Variants in TONSL observed in about 807,000 individuals in gnomAD.
The protein encoded by TONSL is tonsoku like, DNA repair protein, also known as tonsoku-like protein.
Under a neutral mutation model 147.1 loss-of-function variants are expected in TONSL, and 112 were observed. The ratio of observed to expected loss-of-function variants is 0.76; its 90% confidence interval spans 0.65 to 0.89. TONSL has a LOEUF of 0.89. Ranked by LOEUF, TONSL falls within the 40% of genes least tolerant of loss-of-function variation. The probability of loss-of-function intolerance (pLI) is 0.00; values close to 1 mark genes in which losing one functional copy is unlikely to be tolerated. For missense variants in TONSL, 1,883 were observed against 1,864.6 expected (o/e 1.01, Z -0.18); for synonymous variants, 868 against 801.5 (o/e 1.08, Z -1.40).
rs1335373534 is a variant in TONSL at position 144,436,046 on chromosome 8, A to G, written c.2387T>C (p.Ile796Thr). 1.3e-6 allele frequency: 2 copies of G among 1,574,368 alleles called. No individual in the cohort carries two copies. Among genetic ancestry groups the G allele is most frequent in the Non-Finnish European group, 1.7e-6 (2 of 1,166,748 alleles). The stretch of plus-strand genomic sequence containing the variant: ...GCTCTGAGCACTGCCCACACCCCGG[A>G]TGGCTGCCTGGTAGGCTGCCCGGCT... ...STSRAAYQAA[I>T]RGVGSAQSRL... The change falls in exon 17 of 26, where the codon ATC (isoleucine) becomes ACC (threonine). Residue 796 changes from isoleucine (I) to threonine (T), a missense_variant. Transcript: ENST00000409379.
At position 144,434,087 on chromosome 8, in the gene TONSL, G is replaced by A; in HGVS notation, c.3278C>T (p.Ala1093Val). ...GGCCAGGCTGGGCATGGTGCCCAGGGCAGCCACCAGCTCAGCCACACACTT... is the reference window on the plus strand; with the variant it reads ...GGCCAGGCTGGGCATGGTGCCCAGGACAGCCACCAGCTCAGCCACACACTT... ...GDKCVAELVAALGTMPSLALL... is the reference protein window; with the variant it reads ...GDKCVAELVAVLGTMPSLALL... The change falls in exon 21 of 26, where the codon GCC (alanine) becomes GTC (valine). Residue 1093 changes from alanine (A) to valine (V), a missense_variant. Physicochemically the swap from Ala to Val is moderately conservative, Grantham distance 64 (BLOSUM62 0). Coordinates refer to ENST00000409379, the MANE Select transcript of TONSL (RefSeq NM_013432.5). 6.2e-7 allele frequency: 1 copy of A among 1,612,174 alleles called. No individual in the cohort carries two copies.
rs1294812685 is a variant in TONSL at position 144,444,256 on chromosome 8, G to A, written c.45C>T (p.Ala15=). The change falls in exon 2 of 26, where the codon GCC becomes GCT. Residue 15 remains alanine, a synonymous_variant. Transcript: ENST00000409379. ...GCCGCTGCCCGGCCCTCTGCGCCTT[G>A]GCTTTCGCCTTGCTCAGCTCTGTGG... The part of the protein sequence containing the change: ...RELRQLSKAK[A]KAQRAGQRRE... The A allele has an allele frequency of 2.1e-6, 3 of 1,454,496 alleles. No individual in the cohort carries two copies. The highest frequency in any genetic ancestry group is 6.1e-5 in the East Asian group (2 of 32,938). 90.1% of individuals were successfully genotyped at this position (1,454,496 alleles called of 1,614,324 possible).
chr8:144,442,074 A>G lies in TONSL; in HGVS notation c.828T>C (p.Pro276=). 1.2e-6 allele frequency: 2 copies of G among 1,612,794 alleles called. No individual in the cohort carries two copies. The highest frequency in any genetic ancestry group is 1.1e-5 in the South Asian group (1 of 91,084). ...KKAYRLGSQK[P]VQRAAICQNL... The stretch of plus-strand genomic sequence containing the variant: ...TCTGACAGATGGCTGCCCTCTGCAC[A>G]GGCTTCTGGGAGCCCAGCCTGTAGG... The change falls in exon 7 of 26, where the codon CCT becomes CCC. Residue 276 remains proline, a synonymous_variant. Transcript: ENST00000409379.
intron 21 of TONSL, 50 bp downstream of exon 21, chr8:144,433,928 G>A (rs1554879293): frequency 5.3e-6 from 8 of 1,509,670 alleles, no homozygotes; most frequent in Non-Finnish European, 7.1e-6. Context: ...CTGCAGAATG[G>A]GAACCCCAAC....
Position 144,433,629 on chromosome 8 carries a change from A to C in TONSL, c.3518T>G (p.Phe1173Cys), listed in dbSNP as rs143208435. The C allele has an allele frequency of 5.7e-5, 92 of 1,613,408 alleles. No homozygotes were observed. The African/African-American group carries it at 1.1e-3, about 19-fold the overall frequency. The change falls in exon 22 of 26, where the codon TTC becomes TGC. Residue 1173 changes from phenylalanine (F) to cysteine (C), a missense_variant. Physicochemically the swap from Phe to Cys is radical, Grantham distance 205. Transcript: ENST00000409379. ...RLQACGFGPS[F>C]FLSHQTALGS... ...CAGTGCTGTCTGGTGGCTCAGAAAGAAGCTGGGGCCGAAGCCACACGCCTG... is the reference window on the plus strand; with the variant it reads ...CAGTGCTGTCTGGTGGCTCAGAAAGCAGCTGGGGCCGAAGCCACACGCCTG...
At chr8:144,433,268 G>A (rs1480902081) in intron 22 of TONSL, 2 of 221,244 alleles carry the variant, frequency 9.0e-6, no homozygotes, top group Non-Finnish European at 1.8e-5. Context: ...AATAGAGACG[G>A]CGTTTCACCG....
rs146566654 is a variant in TONSL at position 144,432,457 on chromosome 8, G to A, written c.3563C>T (p.Ala1188Val). 1,191 of 1,536,964 alleles carry A rather than the reference G, an allele frequency of 7.7e-4. 3 individuals carry two copies. The highest frequency in any genetic ancestry group is 4.9e-3 in the South Asian group (391 of 79,850). Reference sequence around the variant, plus strand: ...CAGGGACAGGGTCTTCAGGTGCTCAGCATCTGCACCGGGGCCAGAATCCGT... The same window carrying A: ...CAGGGACAGGGTCTTCAGGTGCTCAACATCTGCACCGGGGCCAGAATCCGT... ...QTALGSAFQD[A>V]EHLKTLSLSY... Residue 1188 changes from alanine (A) to valine (V), a missense_variant, in exon 23 of 26, where the codon GCT becomes GTT. Coordinates refer to ENST00000409379, the MANE Select transcript of TONSL (RefSeq NM_013432.5).
chr8:144,430,299 C>T, intron 25 of TONSL, 105 bp downstream of exon 25: 1 of 1,343,188 alleles, frequency 7.4e-7, no homozygotes, highest in Non-Finnish European at 9.8e-7. Context: ...AGCCTTGCTG[C>T]CTGGCTGGTA....
intron 13 of TONSL, among the ~76,000 whole-genome samples, chr8:144,438,005 C>T (rs1326029574): frequency 6.6e-6 from 1 of 151,926 alleles, no homozygotes; most frequent in Non-Finnish European, 1.5e-5. Flanking sequence ...TAGGCTCAAG[C>T]AACCCTCCCA....
Position 144,434,527 on chromosome 8 carries a change from A to C in TONSL, c.3086-248T>G, listed in dbSNP as rs565238722. On this transcript the variant is annotated intron_variant, in intron 20 of 25. Transcript: ENST00000409379. ...ACCCCCCGGGACAAGCTTTCTGGGA[A>C]GCTTCCCCAGCAGCTCCCAGCCCAT... 3.9e-5 allele frequency among the ~76,000 whole-genome samples: 6 copies of C among 152,166 alleles called. No individual in the cohort carries two copies. In the East Asian group the frequency reaches 1.2e-3, roughly 29 times the overall value.
chr8:144,436,223 G>A lies in TONSL; in HGVS notation c.2210C>T (p.Pro737Leu). The A allele has an allele frequency of 6.4e-7, 1 of 1,561,114 alleles. No homozygotes were observed. Among genetic ancestry groups the A allele is most frequent in the Non-Finnish European group, 8.6e-7 (1 of 1,156,822 alleles). Residue 737 changes from proline (P) to leucine (L), a missense_variant, in exon 17 of 26, where the codon CCA becomes CTA. Pro to Leu is a moderately conservative substitution (Grantham distance 98, BLOSUM62 -3). Coordinates refer to ENST00000409379, the MANE Select transcript of TONSL (RefSeq NM_013432.5). ...TTCTGAGCTGCTGCTGCTGCTGGCT[G>A]GCCCATGCCTGCTCCTCCGAGGCCT... ...MARPRRSRHGPASSSSSSEGE... is the reference protein window; with the variant it reads ...MARPRRSRHGLASSSSSSEGE...
At chr8:144,436,490 C>T (rs1180794053) in intron 16 of TONSL, 68 bp downstream of exon 16, 30 of 1,570,244 alleles carry the variant, frequency 1.9e-5, no homozygotes, top group Admixed American at 8.8e-5. Context: ...GAGCATCTCC[C>T]GAAATCAGGG....
intron 13 of TONSL, 78 bp downstream of exon 13, chr8:144,438,393 C>G: frequency 6.7e-7 from 1 of 1,487,016 alleles, no homozygotes; most frequent in South Asian, 1.2e-5. Context: ...TTGAGAGTTA[C>G]AGAGATAGGG....
intron 13 of TONSL, chr8:144,437,739 G>A (rs1186336334): frequency 1.3e-5 from 2 of 154,342 alleles, no homozygotes; most frequent in East Asian, 1.9e-4. Flanking sequence ...GAGTAGCTGG[G>A]ACTACAGGTA....
At chr8:144,434,303 C>T in intron 20 of TONSL, 24 bp from the exon 21 acceptor site, 1 of 1,487,882 alleles carries the variant, frequency 6.7e-7, no homozygotes, top group South Asian at 1.4e-5. Flanking sequence ...GTGATGTCAC[C>T]AGGGTAAGGC....
chr8:144,442,017 A>G lies in TONSL; in HGVS notation c.865+20T>C, dbSNP rs992967903. 6.2e-7 allele frequency: 1 copy of G among 1,608,032 alleles called. No individual in the cohort carries two copies. Among genetic ancestry groups the G allele is most frequent in the Non-Finnish European group, 8.5e-7 (1 of 1,176,648 alleles). On this transcript the variant is annotated intron_variant, in intron 7 of 25. Transcript: ENST00000409379. ...CCCTGCACACACCTCCCAGGGCCCCATTCGCACCCCCAGGCTCACCATGCT... is the reference window on the plus strand; with the variant it reads ...CCCTGCACACACCTCCCAGGGCCCCGTTCGCACCCCCAGGCTCACCATGCT...
intron 11 of TONSL, chr8:144,439,779 C>T: frequency 1.9e-6 from 1 of 535,918 alleles, no homozygotes; most frequent in Non-Finnish European, 3.2e-6. Context: ...TCTAACGGGA[C>T]CATGCCCCAG....
In TONSL at chr8:144,439,856, G is replaced by A. The variant is rs893732460; in HGVS notation, c.1480+165C>T. On this transcript the variant is annotated intron_variant, in intron 11 of 25. Coordinates refer to ENST00000409379, the MANE Select transcript of TONSL (RefSeq NM_013432.5). The stretch of plus-strand genomic sequence containing the variant: ...GCCAAGGCCGCCCCAGGCTCCCTGC[G>A]GGTCACCACCTTCTCTGTCCAGTTC... The A allele has an allele frequency of 2.1e-5, 12 of 560,444 alleles. No homozygotes were observed. The Admixed American group carries it at 2.5e-4, about 12-fold the overall frequency. The allele number at this position is 560,444 out of a possible 1,614,324, so 34.7% of individuals were successfully genotyped here. A position where few individuals can be genotyped will look rare whatever the true frequency, so the allele number is the denominator to read the frequency against.
chr8:144,436,363 C>A lies in TONSL; in HGVS notation c.2070G>T (p.Glu690Asp), dbSNP rs1823458541. ...HTPSSLLFDP[E>D]TSPPLSPCPE... ...GGCAGGGGCTCAAAGGAGGAGAGGT[C>A]TCGGGGTCAAACAGAAGGCTGCTTG... The change falls in exon 17 of 26, where the codon GAG (glutamate) becomes GAT (aspartate). Residue 690 changes from glutamate (E) to aspartate (D), a missense_variant. Glu to Asp is a conservative substitution (Grantham distance 45). Transcript: ENST00000409379. The A allele has an allele frequency of 2.7e-6, 4 of 1,503,270 alleles. No homozygotes were observed. The highest frequency in any genetic ancestry group is 2.2e-5 in the Admixed American group (1 of 45,170). 93.1% of individuals were successfully genotyped at this position (1,503,270 alleles called of 1,614,324 possible). A position where few individuals can be genotyped will look rare whatever the true frequency, so the allele number is the denominator to read the frequency against.
Sources: gnomAD v4.1 joint callset for allele counts (sites outside exome capture counted in the v4.1 genomes callset) on GRCh38, gnomAD v4.1.1 for gene constraint, MANE v1.5 for transcripts, NCBI Gene and HGNC (gene_info 2026-07-23, HGNC 2026-07-21) for gene names.